DCHS2: variants seen among roughly 807,000 people sequenced by gnomAD.
The protein encoded by DCHS2 is protocadherin-23.
DCHS2 carries 142 observed loss-of-function variants against 182.4 expected under a neutral mutation model. The ratio of observed to expected loss-of-function variants is 0.78; its 90% CI spans 0.68 to 0.89. DCHS2 has a LOEUF of 0.89. DCHS2 is among the 40% of genes least tolerant of loss of function. The probability of loss-of-function intolerance (pLI) is 0.00; values close to 1 mark genes in which losing one functional copy is unlikely to be tolerated. For missense variants in DCHS2, 4,319 were observed against 4,198.6 expected, an observed-to-expected ratio of 1.03 and a Z score of -0.79; for synonymous variants, 1,740 against 1,663.3, an observed-to-expected ratio of 1.05 and a Z score of -1.12.
chr4:154,259,423 G>GT (rs2111169061), intron 15 of DCHS2, 122 bp downstream of exon 15: 1 of 1,460,390 alleles, frequency 6.8e-7, no homozygotes, highest in African/African-American at 1.4e-5. Context: ...TGGAAAGAGT[G>GT]TTGTACTACA....
chr4:154,441,500 AG>A (rs1360175881), intron 1 of DCHS2, among the ~76,000 whole-genome samples: 1 of 152,146 alleles, frequency 6.6e-6, no homozygotes, highest in East Asian at 1.9e-4. Context: ...AAATTGGTAA[AG>A]CTCTTTGTAT....
At chr4:154,244,919 C>T (rs1201703061) in intron 16 of DCHS2, among the ~76,000 whole-genome samples, 1 of 152,106 alleles carries the variant, frequency 6.6e-6, no homozygotes, top group East Asian at 1.9e-4. Context: ...TTGCCCCTTC[C>T]AATGTCATCT....
Position 154,332,037 on chromosome 4 carries a change from C to T in DCHS2, c.3730+441G>A, listed in dbSNP as rs561569347. 5.3e-5 allele frequency among the ~76,000 whole-genome samples: 8 copies of T among 152,242 alleles called. No individual in the cohort carries two copies. The South Asian group carries it at 1.7e-3, about 32-fold the overall frequency. ...TCTTAACCAATGAATTGATGTCTAG[C>T]TTTACATTGATGATATTTATATTTC... is the stretch of plus-strand genomic sequence containing the variant. On this transcript the variant is annotated intron_variant, in intron 5 of 19. Transcript: ENST00000357232.
chr4:154,281,446 A>C (rs926801079), intron 13 of DCHS2, among the ~76,000 whole-genome samples: 1 of 152,180 alleles, frequency 6.6e-6, no homozygotes, highest in Non-Finnish European at 1.5e-5. Context: ...ATCAAACAAA[A>C]TAAAATACTT....
chr4:154,428,640 A>G (rs186033083), intron 1 of DCHS2, among the ~76,000 whole-genome samples: 101 of 152,078 alleles, frequency 6.6e-4, no homozygotes, highest in African/African-American at 2.4e-3. Context: ...GAAAGTGGAT[A>G]CTGTAATCCT....
chr4:154,445,699 T>C (rs1461401759), intron 1 of DCHS2, among the ~76,000 whole-genome samples: 1 of 151,294 alleles, frequency 6.6e-6, no homozygotes, highest in Non-Finnish European at 1.5e-5. Flanking sequence ...TGGTCCCAGA[T>C]ACTAGGGAGG....
intron 3 of DCHS2, among the ~76,000 whole-genome samples, chr4:154,365,696 C>A (rs1730317766): frequency 6.6e-6 from 1 of 151,722 alleles, no homozygotes; most frequent in Non-Finnish European, 1.5e-5. Context: ...GTCACCCAGG[C>A]TGGAGGGCAG....
chr4:154,331,599 G>A (rs749606320), intron 5 of DCHS2: 1 of 1,612,308 alleles, frequency 6.2e-7, no homozygotes, highest in South Asian at 1.1e-5. Flanking sequence ...CTAATTCACA[G>A]AACAGAGACT....
At chr4:154,440,962 A>G (rs970440713) in intron 1 of DCHS2, among the ~76,000 whole-genome samples, 8 of 152,348 alleles carry the variant, frequency 5.3e-5, no homozygotes, top group South Asian at 2.1e-4. Context: ...TGCAAAAGGC[A>G]TACACATATA....
At chr4:154,248,737 C>T (rs563138511) in intron 16 of DCHS2, among the ~76,000 whole-genome samples, 94 of 152,202 alleles carry the variant, frequency 6.2e-4, no homozygotes, top group African/African-American at 2.1e-3. Flanking sequence ...ATAACACAAA[C>T]ACACAGAGTG....
intron 18 of DCHS2, among the ~76,000 whole-genome samples, chr4:154,239,780 A>G (rs1310167060): frequency 1.1e-4 from 17 of 152,204 alleles, no homozygotes; most frequent in Admixed American, 1.1e-3. Flanking sequence ...AAGTGCTGGG[A>G]TTACAGGTAT....
chr4:154,470,783 A>G (rs886811309), intron 1 of DCHS2, among the ~76,000 whole-genome samples: 2 of 152,228 alleles, frequency 1.3e-5, no homozygotes, highest in African/African-American at 2.4e-5. Flanking sequence ...CAAAGAAAGA[A>G]TTCATGAAGC....
intron 12 of DCHS2, 179 bp from the exon 13 acceptor site, chr4:154,298,887 C>T: frequency 1.2e-6 from 1 of 827,742 alleles, no homozygotes; most frequent in Non-Finnish European, 1.7e-6. Flanking sequence ...AGGCTCTGCC[C>T]TCATGAAACT....
intron 1 of DCHS2, among the ~76,000 whole-genome samples, chr4:154,433,076 G>T (rs1239049034): frequency 6.6e-6 from 1 of 152,152 alleles, no homozygotes; most frequent in Non-Finnish European, 1.5e-5. Context: ...ATATAATAGG[G>T]TTAAGAAGAG....
chr4:154,334,594 T>G, intron 4 of DCHS2: 2 of 309,034 alleles, frequency 6.5e-6, no homozygotes. Context: ...TTTTTGTGAG[T>G]GGGTTATAGG....
chr4:154,278,478 G>T (rs2111227547), intron 13 of DCHS2, among the ~76,000 whole-genome samples: 1 of 151,926 alleles, frequency 6.6e-6, no homozygotes, highest in East Asian at 1.9e-4. Context: ...TGGCAAAAAA[G>T]TCCCCAAATC....
chr4:154,480,257 G>A (rs1579121900), intron 1 of DCHS2, among the ~76,000 whole-genome samples: 1 of 152,266 alleles, frequency 6.6e-6, no homozygotes, highest in Non-Finnish European at 1.5e-5. Context: ...ATACGGTAAG[G>A]CTAAAAATAA....
At chr4:154,242,839 C>A in intron 16 of DCHS2, 67 bp from the exon 17 acceptor site, 4 of 1,513,962 alleles carry the variant, frequency 2.6e-6, no homozygotes, top group Non-Finnish European at 3.5e-6. Flanking sequence ...ACATAAATAT[C>A]AAATATCTAG....
At chr4:154,337,735 A>T (rs1046978893) in intron 3 of DCHS2, among the ~76,000 whole-genome samples, 6 of 150,124 alleles carry the variant, frequency 4.0e-5, no homozygotes, top group African/African-American at 9.7e-5. Flanking sequence ...GCCATATTTT[A>T]TTATTATTAT....
Sources: gnomAD v4.1 joint callset for allele counts (sites outside exome capture counted in the v4.1 genomes callset) on GRCh38, gnomAD v4.1.1 for gene constraint, MANE v1.5 for transcripts, NCBI Gene and HGNC (gene_info 2026-07-23, HGNC 2026-07-21) for gene names.